TMEM165: variants seen among roughly 807,000 people sequenced by gnomAD.
TMEM165 encodes putative divalent cation/proton antiporter TMEM165.
Under a neutral mutation model 30.0 loss-of-function variants are expected in TMEM165, and 19 were observed. The ratio of observed to expected loss-of-function variants is 0.63; its 90% CI spans 0.44 to 0.93. TMEM165 has a LOEUF of 0.93. Among genes scored for constraint, TMEM165 ranks in the 40% least tolerant of loss-of-function variants. The probability of loss-of-function intolerance (pLI) is 0.00; values close to 1 mark genes in which losing one functional copy is unlikely to be tolerated. For synonymous variants in TMEM165, 168 were observed against 162.9 expected, an observed-to-expected ratio of 1.03 and a Z score of -0.24; for missense variants, 340 against 417.0, an observed-to-expected ratio of 0.82 and a Z score of 1.61.
intron 3 of TMEM165, chr4:55,431,922 C>A (rs1242286155): frequency 6.6e-6 from 1 of 152,212 alleles, no homozygotes; most frequent in Non-Finnish European, 1.5e-5. Flanking sequence ...CTTGATGGAG[C>A]TGGACTGCTT....
intron 4 of TMEM165, among the ~76,000 whole-genome samples, chr4:55,420,568 A>G (rs73816274): frequency 0.024 from 3,591 of 152,214 alleles, 154 homozygotes; most frequent in African/African-American, 0.082. Context: ...CACATGGCAC[A>G]TTCAGTGTTA....
intron 3 of TMEM165, chr4:55,432,277 A>C (rs1722563501): frequency 6.6e-6 from 1 of 152,088 alleles, no homozygotes; most frequent in Non-Finnish European, 1.5e-5. Flanking sequence ...TCTAAGGAGC[A>C]ACTTTATTAA....
At chr4:55,431,677 T>C (rs2109597782) in intron 3 of TMEM165, 1 of 151,764 alleles carries the variant, frequency 6.6e-6, no homozygotes, top group East Asian at 2.0e-4. Context: ...ACACAAATAT[T>C]CATCAACAAA....
chr4:55,409,609 T>C (rs1425177410), intron 1 of TMEM165, among the ~76,000 whole-genome samples: 1 of 152,154 alleles, frequency 6.6e-6, no homozygotes, highest in Non-Finnish European at 1.5e-5. Flanking sequence ...TTCTGGCCTC[T>C]ACCCACTAGA....
rs1722810655 is a variant in TMEM165 at position 55,435,558 on chromosome 4, G to A, written c.408+10915G>A. On this transcript the variant is annotated intron_variant, in intron 3 of 3. Coordinates refer to the TMEM165 transcript ENST00000608091. ...AGAGGAAATGCAGCAGAGAGAATGA[G>A]TTGAGTTGAGGGATTCCCATGGAGC... is the stretch of plus-strand genomic sequence containing the variant. The A allele has an allele frequency of 3.1e-6, 5 of 1,613,996 alleles. No individual in the cohort carries two copies. The highest frequency in any genetic ancestry group is 2.7e-5 in the African/African-American group (2 of 75,040).
intron 4 of TMEM165, among the ~76,000 whole-genome samples, chr4:55,420,696 G>A (rs1721938947): frequency 6.6e-6 from 1 of 152,020 alleles, no homozygotes; most frequent in Admixed American, 6.6e-5. Context: ...TTTTTCTTAT[G>A]AACCATGCAG....
In TMEM165 at chr4:55,402,181, CAACATTCATAAAAATA is replaced by C. The variant is rs1721025764; in HGVS notation, c.207+5795_207+5810del. The stretch of plus-strand genomic sequence containing the variant: ...TCAAGTGCATAAATACATTACAAAA[CAACATTCATAAAAATA>C]AACATTCATTAAAACAAAAAATAAT... On this transcript the variant is annotated intron_variant, in intron 1 of 5. Coordinates refer to ENST00000381334, the MANE Select transcript of TMEM165 (RefSeq NM_018475.5). Among the ~76,000 whole-genome samples the C allele has an allele frequency of 2.1e-5, 3 of 141,520 alleles. No individual in the cohort carries two copies. The South Asian group carries it at 6.6e-4, about 31-fold the overall frequency. 92.8% of individuals were successfully genotyped at this position (141,520 alleles called of 152,430 possible).
chr4:55,444,599 G>A, intron 3 of TMEM165: 1 of 1,613,204 alleles, frequency 6.2e-7, no homozygotes, highest in Non-Finnish European at 8.5e-7. Context: ...AATGTGAATG[G>A]GATGCTTTGT....
intron 3 of TMEM165, chr4:55,434,165 A>G (rs1722710758): frequency 1.3e-5 from 2 of 152,642 alleles, no homozygotes; most frequent in African/African-American, 2.4e-5. Flanking sequence ...AAACCGGACA[A>G]TGACTTCAAG....
At chr4:55,435,558 G>C in intron 3 of TMEM165, 1 of 1,613,996 alleles carries the variant, frequency 6.2e-7, no homozygotes, top group Non-Finnish European at 8.5e-7. Context: ...GAGAGAATGA[G>C]TTGAGTTGAG....
rs1159173531 is a variant in TMEM165, at chr4:55,396,228, G to A, written c.39G>A (p.Ala13=). The change falls in exon 1 of 6, where the codon GCG becomes GCA. Residue 13 remains alanine, a synonymous_variant. Coordinates refer to ENST00000381334, the MANE Select transcript of TMEM165 (RefSeq NM_018475.5). Reference sequence around the variant, plus strand: ...CTCCAGGGAACGGCCGCGCATCGGCGCCCCGGCTGCTTCTGCTCTTTCTGG... The same window carrying A: ...CTCCAGGGAACGGCCGCGCATCGGCACCCCGGCTGCTTCTGCTCTTTCTGG... ...AAAPGNGRAS[A]PRLLLLFLVP... 1.4e-6 allele frequency: 2 copies of A among 1,468,836 alleles called. No homozygotes were observed. Among genetic ancestry groups the A allele is most frequent in the African/African-American group, 1.5e-5 (1 of 68,346 alleles). 91.0% of individuals were successfully genotyped at this position (1,468,836 alleles called of 1,614,324 possible).
At chr4:55,416,144 C>G (rs944149120) in intron 2 of TMEM165, 2 of 152,132 alleles carry the variant, frequency 1.3e-5, no homozygotes, top group Non-Finnish European at 2.9e-5. Context: ...CATGAGCCAC[C>G]GTGCCTGGCC....
At chr4:55,405,720 C>A (rs1260623627) in intron 1 of TMEM165, among the ~76,000 whole-genome samples, 2 of 152,054 alleles carry the variant, frequency 1.3e-5, no homozygotes, top group Admixed American at 6.6e-5. Flanking sequence ...TGTCTTAACA[C>A]GGGTTTCATG....
chr4:55,407,084 C>T (rs1283222557), intron 1 of TMEM165, among the ~76,000 whole-genome samples: 2 of 152,344 alleles, frequency 1.3e-5, no homozygotes, highest in East Asian at 3.9e-4. Context: ...CTCCCATACT[C>T]ATTGCCCACA....
intron 2 of TMEM165, among the ~76,000 whole-genome samples, chr4:55,415,055 TTCC>T: frequency 6.6e-6 from 1 of 152,368 alleles, no homozygotes; most frequent in East Asian, 1.9e-4. Flanking sequence ...AAATACCCTC[TTCC>T]TCATCAAAAT....
At chr4:55,425,354 AC>A (rs1339761772) in intron 5 of TMEM165, 21 bp from the exon 6 acceptor site, 1 of 1,604,558 alleles carries the variant, frequency 6.2e-7, no homozygotes, top group Non-Finnish European at 8.5e-7. Context: ...ACTGTATTTG[AC>A]TTTTTTTCTC....
At chr4:55,440,734 G>C (rs1473077477) in intron 3 of TMEM165, among the ~76,000 whole-genome samples, 1 of 152,092 alleles carries the variant, frequency 6.6e-6, no homozygotes, top group African/African-American at 2.4e-5. Context: ...TGGCTCACTG[G>C]TAAATGTGAT....
downstream of TMEM165, among the ~76,000 whole-genome samples, chr4:55,427,729 G>A (rs1056387921): frequency 6.6e-6 from 1 of 152,134 alleles, no homozygotes; most frequent in South Asian, 2.1e-4. Context: ...CAGGTAGCTT[G>A]GTCCCATTAC....
chr4:55,435,332 T>C lies in TMEM165; in HGVS notation c.408+10689T>C, dbSNP rs1722793386. The C allele has an allele frequency of 6.6e-6, 10 of 1,522,946 alleles. No individual in the cohort carries two copies. In the East Asian group the frequency reaches 1.4e-4, roughly 21 times the overall value. 94.3% of individuals were successfully genotyped at this position (1,522,946 alleles called of 1,614,324 possible). A position where few individuals can be genotyped will look rare whatever the true frequency, so the allele number is the denominator to read the frequency against. ...GCATCTCATGAAACTGCTGGAACTT[T>C]CCCTCCTTTCCTCAGGTCATCTGAG... is the stretch of plus-strand genomic sequence containing the variant. On this transcript the variant is annotated intron_variant, in intron 3 of 3. Transcript: ENST00000608091.
Sources: allele counts gnomAD v4.1 joint callset (sites outside exome capture counted in the v4.1 genomes callset), GRCh38; gene constraint gnomAD v4.1.1; transcripts MANE v1.5; gene names NCBI Gene and HGNC (gene_info 2026-07-23, HGNC 2026-07-21).